Variants in CACNA1I observed in about 807,000 individuals in gnomAD.
CACNA1I encodes the protein calcium voltage-gated channel subunit alpha1 I.
CACNA1I carries 74 observed loss-of-function variants against 201.6 expected under a neutral mutation model. That is an observed-to-expected ratio of 0.37 (90% CI 0.30 to 0.45). CACNA1I has a LOEUF of 0.45. CACNA1I is among the 20% of genes least tolerant of loss of function. CACNA1I has a pLI of 1.00. For synonymous variants in CACNA1I, 1,431 were observed against 1,345.2 expected (o/e 1.06, Z -1.40); for missense variants, 2,346 against 3,138.1 (o/e 0.75, Z 6.03).
rs1462990946 is a variant in CACNA1I at position 39,620,271 on chromosome 22, CCATCCATACGTA to C, written c.580+868_580+879del. 7.1e-3 allele frequency among the ~76,000 whole-genome samples: 316 copies of C among 44,284 alleles called. 4 individuals are homozygous for C. The East Asian group carries it at 0.21, about 30-fold the overall frequency. 29.1% of individuals were successfully genotyped at this position (44,284 alleles called of 152,430 possible). ...TCCATCCATCCATCCATCCATCCAT[CCATCCATACGTA>C]CATACATACATCTGCTCATCTTTCT... is the stretch of plus-strand genomic sequence containing the variant. On this transcript the variant is annotated intron_variant, in intron 4 of 36. Transcript: ENST00000402142.
At position 39,682,618 on chromosome 22, in the gene CACNA1I, A is replaced by T; in HGVS notation, c.5787A>T (p.Pro1929=). 1.2e-6 allele frequency: 2 copies of T among 1,613,516 alleles called. No homozygotes were observed. Among genetic ancestry groups the T allele is most frequent in the Non-Finnish European group, 1.7e-6 (2 of 1,179,856 alleles). The change falls in exon 35 of 37, where the codon CCA becomes CCT. Residue 1929 remains proline, a synonymous_variant. Transcript: ENST00000402142. The stretch of plus-strand genomic sequence containing the variant: ...TCCTGTGTGAGATGGAGGAGATCCC[A>T]TTCAACCCTGTCCGGTCCTGGCTGA... ...ENFLCEMEEI[P]FNPVRSWLKH...
intron 1 of CACNA1I, among the ~76,000 whole-genome samples, chr22:39,580,331 C>CT (rs1394152154): frequency 6.6e-6 from 1 of 152,182 alleles, no homozygotes; most frequent in Admixed American, 6.5e-5. Flanking sequence ...AGGCACCATT[C>CT]CCAGGGATGC....
At chr22:39,582,748 CCCCACCCATCTTTCCCCCATACACCCA>C (rs1477854445) in intron 1 of CACNA1I, among the ~76,000 whole-genome samples, 7 of 138,126 alleles carry the variant, frequency 5.1e-5, no homozygotes, top group South Asian at 5.2e-4. Context: ...CCATACACCC[CCCCACCCATCTTTCCCCCATACACCCA>C]CCCACCCATC....
At chr22:39,641,436 C>T (rs1238086422) in intron 6 of CACNA1I, among the ~76,000 whole-genome samples, 1 of 152,220 alleles carries the variant, frequency 6.6e-6, no homozygotes, top group Non-Finnish European at 1.5e-5. Flanking sequence ...TCTGGGTGTC[C>T]CCAAAGCCTG....
At chr22:39,576,073 C>G (rs1932338987) in intron 1 of CACNA1I, among the ~76,000 whole-genome samples, 1 of 152,210 alleles carries the variant, frequency 6.6e-6, no homozygotes, top group Non-Finnish European at 1.5e-5. Context: ...ATGTGCCTGG[C>G]CTTCAGAGCC....
Position 39,679,435 on chromosome 22 carries a change from C to T in CACNA1I, c.5384C>T (p.Ser1795Leu), listed in dbSNP as rs1026466143. The T allele has an allele frequency of 5.6e-6, 8 of 1,420,114 alleles. No homozygotes were observed. Among genetic ancestry groups the T allele is most frequent in the East Asian group, 2.7e-5 (1 of 36,778 alleles). 88.0% of individuals were successfully genotyped at this position (1,420,114 alleles called of 1,614,324 possible). The change falls in exon 32 of 37, where the codon TCG (serine) becomes TTG (leucine). Residue 1795 changes from serine (S) to leucine (L), a missense_variant. Transcript: ENST00000402142. ...TEGGLCRRCY[S>L]PAQENLWLDS... Reference sequence around the variant, plus strand: ...GGCGGCTTGTGCCGGCGCTGCTACTCGCCTGCCCAGGTGGGCAGGGGCTGG... The same window carrying T: ...GGCGGCTTGTGCCGGCGCTGCTACTTGCCTGCCCAGGTGGGCAGGGGCTGG...
chr22:39,591,748 C>T (rs1454963087), intron 1 of CACNA1I, among the ~76,000 whole-genome samples: 2 of 152,000 alleles, frequency 1.3e-5, no homozygotes, highest in Non-Finnish European at 2.9e-5. Context: ...TTAGTAGAGA[C>T]AGGGTTTCAC....
chr22:39,661,384 C>A (rs186975606), intron 16 of CACNA1I, 74 bp downstream of exon 16: 3 of 1,163,206 alleles, frequency 2.6e-6, no homozygotes, highest in East Asian at 2.7e-5. Context: ...AAGAGAGGTA[C>A]CTGCCAGTCT....
Position 39,672,316 on chromosome 22 carries a change from G to A in CACNA1I, c.4649+8G>A, listed in dbSNP as rs370071672. Reference sequence around the variant, plus strand: ...GCGCTTCTTCAAGGACCGGTGAGTGGCCAGGCTGGATTAGGGCAGTAATAG... The same window carrying A: ...GCGCTTCTTCAAGGACCGGTGAGTGACCAGGCTGGATTAGGGCAGTAATAG... On this transcript the variant is annotated splice_region_variant and intron_variant, in intron 27 of 36. Coordinates refer to ENST00000402142, the MANE Select transcript of CACNA1I (RefSeq NM_021096.4). The A allele has an allele frequency of 5.0e-6, 8 of 1,585,712 alleles. No homozygotes were observed. The highest frequency in any genetic ancestry group is 2.7e-5 in the African/African-American group (2 of 74,298).
Position 39,685,666 on chromosome 22 carries a change from TCTGCCTG to T in CACNA1I, c.6028-84_6028-78del. 3.7e-6 allele frequency: 4 copies of T among 1,073,114 alleles called. No individual in the cohort carries two copies. The highest frequency in any genetic ancestry group is 5.0e-6 in the Non-Finnish European group (4 of 805,486). 66.5% of individuals were successfully genotyped at this position (1,073,114 alleles called of 1,614,324 possible). The stretch of plus-strand genomic sequence containing the variant: ...TCCGAAGGGAGCTCCTTGGATGGGG[TCTGCCTG>T]CTGCCTGCTGTGCGGGGGAGGGCGG... On this transcript the variant is annotated intron_variant, in intron 36 of 36. Coordinates refer to ENST00000402142, the MANE Select transcript of CACNA1I (RefSeq NM_021096.4). The surrounding 1 kb of genome is among the most constrained non-coding windows in gnomAD (Gnocchi z 5.0).
At chr22:39,634,753 C>T in intron 5 of CACNA1I, 29 bp downstream of exon 5, 1 of 1,601,594 alleles carries the variant, frequency 6.2e-7, no homozygotes, top group Non-Finnish European at 8.5e-7. Flanking sequence ...ACCCATGCAG[C>T]TCCGGGGACT....
chr22:39,599,041 C>T (rs1458459391), intron 2 of CACNA1I, among the ~76,000 whole-genome samples: 6 of 148,454 alleles, frequency 4.0e-5, no homozygotes, highest in Non-Finnish European at 8.9e-5. Context: ...CTCCACCTCC[C>T]GGGTTCATGC....
rs117299893 is a variant in CACNA1I at position 39,630,780 on chromosome 22, C to T, written c.581-3785C>T. On this transcript the variant is annotated intron_variant, in intron 4 of 36. Coordinates refer to ENST00000402142, the MANE Select transcript of CACNA1I (RefSeq NM_021096.4). ...GGCCCTCCAAGCATGTGCAAGGGCA[C>T]GGAGGCAGCCCCGAAAGTGGGCTTT... Among the ~76,000 whole-genome samples, 506 of 152,360 alleles carry T rather than the reference C, an allele frequency of 3.3e-3. 3 individuals are homozygous for T. Among genetic ancestry groups the T allele is most frequent in the Non-Finnish European group, 5.7e-3 (387 of 68,030 alleles).
chr22:39,668,476 G>A, intron 24 of CACNA1I, 95 bp downstream of exon 24: 1 of 754,254 alleles, frequency 1.3e-6, no homozygotes, highest in South Asian at 1.5e-5. Flanking sequence ...GTGCCAATGA[G>A]TTCCACAGCC....
chr22:39,595,718 A>C (rs1932874750), intron 1 of CACNA1I, among the ~76,000 whole-genome samples: 1 of 151,970 alleles, frequency 6.6e-6, no homozygotes, highest in African/African-American at 2.4e-5. Context: ...AGAATCTCTT[A>C]TTGTACCGCA....
rs77242378 is a variant in CACNA1I at position 39,642,568 on chromosome 22, C to T, written c.1057-229C>T. ...AGGGACCAAGGTTCAAGTCCTGGCA[C>T]GTCCCCTTCCTGGCTGTGTGACAGT... is the stretch of plus-strand genomic sequence containing the variant. On this transcript the variant is annotated intron_variant, in intron 6 of 36. Coordinates refer to ENST00000402142, the MANE Select transcript of CACNA1I (RefSeq NM_021096.4). Among the ~76,000 whole-genome samples the T allele has an allele frequency of 2.5e-3, 386 of 152,340 alleles. 2 individuals are homozygous for T. Among genetic ancestry groups the T allele is most frequent in the East Asian group, 0.021 (107 of 5,182 alleles).
intron 4 of CACNA1I, among the ~76,000 whole-genome samples, chr22:39,624,246 C>T (rs1933837675): frequency 6.6e-6 from 1 of 152,030 alleles, no homozygotes; most frequent in African/African-American, 2.4e-5. Context: ...GTCCTCTTTG[C>T]TCCTCCTGGT....
chr22:39,660,138 G>A (rs1230680669), intron 14 of CACNA1I, among the ~76,000 whole-genome samples: 5 of 152,150 alleles, frequency 3.3e-5, no homozygotes, highest in African/African-American at 7.2e-5. Flanking sequence ...TGCTCCCTCC[G>A]TTCTCTGAGG....
At chr22:39,678,373 C>A (rs1935580935) in intron 31 of CACNA1I, among the ~76,000 whole-genome samples, 1 of 152,212 alleles carries the variant, frequency 6.6e-6, no homozygotes, top group Admixed American at 6.5e-5. Flanking sequence ...CCACCCAGTT[C>A]CGGAGGGGAC....
Sources: allele counts gnomAD v4.1 joint callset (sites outside exome capture counted in the v4.1 genomes callset), GRCh38; gene constraint gnomAD v4.1.1; non-coding constraint Gnocchi (gnomAD v3.1); transcripts MANE v1.5; gene names NCBI Gene and HGNC (gene_info 2026-07-23, HGNC 2026-07-21).